The following LIPI variants were observed in gnomAD, a reference collection of about 807,000 sequenced individuals.
The protein encoded by LIPI is lipase I.
LIPI carries 59 observed loss-of-function variants against 50.6 expected under a neutral mutation model. The observed-to-expected ratio is 1.16, with a 90% CI of 0.94 to 1.45. The LOEUF (loss-of-function observed/expected upper bound fraction) is 1.45. Among genes scored for constraint, LIPI ranks in the 40% most tolerant of loss-of-function variants. The probability of loss-of-function intolerance (pLI) is 0.00; values close to 1 mark genes in which losing one functional copy is unlikely to be tolerated. For synonymous variants in LIPI, 203 were observed against 178.2 expected (o/e 1.14, Z -1.11); for missense variants, 586 against 536.3 (o/e 1.09, Z -0.92).
At chr21:14,136,415 C>A (rs748730797) in intron 9 of LIPI, among the ~76,000 whole-genome samples, 14 of 152,252 alleles carry the variant, frequency 9.2e-5, no homozygotes, top group Middle Eastern at 3.4e-3. Flanking sequence ...AAGGGAAAAT[C>A]ACTGGTAGTC....
rs1432016324 is a variant in LIPI at position 14,163,542 on chromosome 21, A to G, written c.902-19T>C. 8.6e-7 allele frequency: 1 copy of G among 1,161,142 alleles called. No homozygotes were observed. The highest frequency in any genetic ancestry group is 1.3e-6 in the Non-Finnish European group (1 of 767,266). 71.9% of individuals were successfully genotyped at this position (1,161,142 alleles called of 1,614,324 possible). A position where few individuals can be genotyped will look rare whatever the true frequency, so the allele number is the denominator to read the frequency against. On this transcript the variant is annotated intron_variant, in intron 6 of 9. Transcript: ENST00000681601. ...TGATAACCTGAGATTTGAGAAATAG[A>G]ACATTAGAAATTGGATTTCCATCAA...
At chr21:14,166,254 T>C (rs2018678822) in intron 5 of LIPI, 108 bp downstream of exon 5, 10 of 758,566 alleles carry the variant, frequency 1.3e-5, no homozygotes, top group Non-Finnish European at 1.9e-5. Flanking sequence ...TCATGGGCAA[T>C]GATGATGAAA....
intron 9 of LIPI, among the ~76,000 whole-genome samples, chr21:14,134,283 G>C (rs1269094005): frequency 6.6e-6 from 1 of 151,976 alleles, no homozygotes; most frequent in African/African-American, 2.4e-5. Context: ...TTACTGATGA[G>C]AGAAATCATA....
chr21:14,172,110 G>A (rs2018933500), intron 4 of LIPI, among the ~76,000 whole-genome samples: 1 of 152,090 alleles, frequency 6.6e-6, no homozygotes, highest in Non-Finnish European at 1.5e-5. Flanking sequence ...AAAAACACAT[G>A]AAAAAATGCT....
chr21:14,162,327 T>A (rs565374156), intron 7 of LIPI, among the ~76,000 whole-genome samples: 58 of 151,610 alleles, frequency 3.8e-4, no homozygotes, highest in African/African-American at 1.4e-3. Context: ...GGGTACGTAG[T>A]TTTAAAGGCA....
chr21:14,137,883 A>G (rs1314269489), intron 9 of LIPI, among the ~76,000 whole-genome samples: 1 of 152,214 alleles, frequency 6.6e-6, no homozygotes, highest in East Asian at 1.9e-4. Context: ...ATAAAATGTT[A>G]TGGAGCTCCA....
chr21:14,189,298 A>T lies in LIPI; in HGVS notation c.168T>A (p.Ala56=). The T allele has an allele frequency of 6.2e-7, 1 of 1,613,836 alleles. No individual in the cohort carries two copies. The highest frequency in any genetic ancestry group is 8.5e-7 in the Non-Finnish European group (1 of 1,179,728). Residue 56 remains alanine, a synonymous_variant, in exon 2 of 10, where the codon GCT becomes GCA. Transcript: ENST00000681601. Reference sequence around the variant, plus strand: ...AGTTATTTTGTTCAAACAGTGGCTCAGCACAGTTTAGGTTGTTCCTTGTAT... The same window carrying T: ...AGTTATTTTGTTCAAACAGTGGCTCTGCACAGTTTAGGTTGTTCCTTGTAT... ...MMYTRNNLNC[A]EPLFEQNNSL...
At position 14,167,018 on chromosome 21, in the gene LIPI, G is replaced by A. The variant is rs114625140; in HGVS notation, c.644-567C>T. 4.0e-3 allele frequency among the ~76,000 whole-genome samples: 615 copies of A among 152,352 alleles called. 7 individuals are homozygous for A. The highest frequency in any genetic ancestry group is 0.014 in the African/African-American group (591 of 41,576). ...CGGGTCACTCCCACCCTAATACTGC[G>A]CTTCTGCGATGGGCTTAAAAAACGG... On this transcript the variant is annotated intron_variant, in intron 4 of 9. Coordinates refer to ENST00000681601, the MANE Select transcript of LIPI (RefSeq NM_001302998.2).
At chr21:14,167,024 G>A (rs1258259059) in intron 4 of LIPI, among the ~76,000 whole-genome samples, 1 of 152,352 alleles carries the variant, frequency 6.6e-6, no homozygotes, top group Non-Finnish European at 1.5e-5. Context: ...CTGCGCTTCT[G>A]CGATGGGCTT....
chr21:14,165,670 A>G (rs1045838825), intron 5 of LIPI, among the ~76,000 whole-genome samples: 2 of 152,226 alleles, frequency 1.3e-5, no homozygotes, highest in African/African-American at 2.4e-5. Context: ...ACACAGTGCT[A>G]CTATACTTAA....
chr21:14,115,747 C>A (rs550564666), intron 9 of LIPI, among the ~76,000 whole-genome samples: 2 of 152,084 alleles, frequency 1.3e-5, no homozygotes, highest in Non-Finnish European at 2.9e-5. Context: ...AGTGCGCAGG[C>A]AGACTACTGA....
chr21:14,205,046 A>T, intron 1 of LIPI, among the ~76,000 whole-genome samples: 1 of 151,824 alleles, frequency 6.6e-6, no homozygotes, highest in East Asian at 1.9e-4. Context: ...GAAAAAAGAA[A>T]AAGAATACTA....
chr21:14,185,923 AGT>A (rs768814200), intron 3 of LIPI, 36 bp downstream of exon 3: 1 of 1,179,792 alleles, frequency 8.5e-7, no homozygotes, highest in Non-Finnish European at 1.3e-6. Flanking sequence ...GATACTTAAA[AGT>A]ATGCTAAAGC....
At chr21:14,165,665 G>C (rs138827166) in intron 5 of LIPI, among the ~76,000 whole-genome samples, 1 of 152,280 alleles carries the variant, frequency 6.6e-6, no homozygotes, top group Non-Finnish European at 1.5e-5. Context: ...GCTCTACACA[G>C]TGCTACTATA....
intron 1 of LIPI, among the ~76,000 whole-genome samples, chr21:14,193,266 A>T (rs1395976771): frequency 6.6e-6 from 1 of 152,126 alleles, no homozygotes; most frequent in African/African-American, 2.4e-5. Flanking sequence ...TGAGAAGAGA[A>T]TCAAAACACG....
chr21:14,141,465 T>C (rs1309607320), intron 9 of LIPI, among the ~76,000 whole-genome samples: 3 of 152,134 alleles, frequency 2.0e-5, no homozygotes, highest in African/African-American at 7.2e-5. Context: ...CTCGTTCTTA[T>C]ATGGATTTTT....
intron 1 of LIPI, among the ~76,000 whole-genome samples, chr21:14,194,888 T>C (rs1744986098): frequency 6.6e-6 from 1 of 152,154 alleles, no homozygotes; most frequent in African/African-American, 2.4e-5. Flanking sequence ...ATTATAGATA[T>C]CTCATCCCAG....
rs1403098239 is a variant in LIPI at position 14,161,736 on chromosome 21, ATT to A, written c.1006+1681_1006+1682del. Among the ~76,000 whole-genome samples, 34 of 79,704 alleles carry A rather than the reference ATT, an allele frequency of 4.3e-4. 1 individual carries two copies. The highest frequency in any genetic ancestry group is 1.0e-3 in the African/African-American group (18 of 17,258). 52.3% of individuals were successfully genotyped at this position (79,704 alleles called of 152,430 possible). On this transcript the variant is annotated intron_variant, in intron 7 of 9. Coordinates refer to ENST00000681601, the MANE Select transcript of LIPI (RefSeq NM_001302998.2). ...TATATTAATATATAATATATACATT[ATT>A]ATATATTAATATATAATATATACAT...
At chr21:14,165,195 T>A (rs756577793) in intron 6 of LIPI, 28 bp downstream of exon 6, 1 of 1,509,098 alleles carries the variant, frequency 6.6e-7, no homozygotes, top group Admixed American at 1.7e-5. Context: ...TAAATAAGAA[T>A]GATAGTAACT....
Sources: allele counts gnomAD v4.1 joint callset (sites outside exome capture counted in the v4.1 genomes callset), GRCh38; gene constraint gnomAD v4.1.1; transcripts MANE v1.5; gene names NCBI Gene and HGNC (gene_info 2026-07-23, HGNC 2026-07-21).